ANKFN1: variants seen among roughly 807,000 people sequenced by gnomAD.
The protein encoded by ANKFN1 is ankyrin repeat and fibronectin type-III domain-containing protein 1.
A neutral mutation model predicts 108.7 loss-of-function variants in ANKFN1; 74 were observed. That is an observed-to-expected ratio of 0.68 (90% CI 0.56 to 0.83). ANKFN1 has a LOEUF of 0.83. ANKFN1 is among the 40% of genes least tolerant of loss of function. The probability of loss-of-function intolerance (pLI) is 0.00; values close to 1 mark genes in which losing one functional copy is unlikely to be tolerated. For synonymous variants in ANKFN1, 547 were observed against 516.2 expected (o/e 1.06, Z -0.81); for missense variants, 1,505 against 1,382.3 (o/e 1.09, Z -1.41).
intron 4 of ANKFN1, among the ~76,000 whole-genome samples, chr17:56,139,825 T>C (rs1907813584): frequency 6.6e-6 from 1 of 152,194 alleles, no homozygotes; most frequent in East Asian, 1.9e-4. Context: ...TCATCGTCCC[T>C]TGGTTTCCAC....
At chr17:56,074,896 G>C (rs950892462) in intron 4 of ANKFN1, among the ~76,000 whole-genome samples, 1 of 152,174 alleles carries the variant, frequency 6.6e-6, no homozygotes, top group Non-Finnish European at 1.5e-5. Flanking sequence ...AGCCACAAAG[G>C]CTGTTTGTAA....
chr17:56,317,271 T>G (rs1466019238), intron 3 of ANKFN1, among the ~76,000 whole-genome samples: 1 of 152,200 alleles, frequency 6.6e-6, no homozygotes, highest in Non-Finnish European at 1.5e-5. Context: ...CAGAAGAACC[T>G]TCAAGAACAT....
chr17:56,278,710 A>G (rs16957042), intron 3 of ANKFN1, among the ~76,000 whole-genome samples: 13,322 of 152,290 alleles, frequency 0.087, 1,578 homozygotes, highest in African/African-American at 0.27. Context: ...TTCTGAGAGT[A>G]GATGACCAAG....
intron 4 of ANKFN1, among the ~76,000 whole-genome samples, chr17:56,124,539 T>G (rs909099660): frequency 7.9e-5 from 12 of 152,206 alleles, no homozygotes; most frequent in Non-Finnish European, 1.5e-4. Context: ...GGATTTAGTG[T>G]ATGCTGGGAC....
At chr17:56,196,502 G>A (rs561101655) in intron 1 of ANKFN1, among the ~76,000 whole-genome samples, 11 of 152,096 alleles carry the variant, frequency 7.2e-5, no homozygotes, top group Non-Finnish European at 1.5e-4. Context: ...GGGACACCAA[G>A]GCAGGAAGAT....
At chr17:56,200,310 C>T (rs1221745655) in intron 1 of ANKFN1, among the ~76,000 whole-genome samples, 2 of 152,110 alleles carry the variant, frequency 1.3e-5, no homozygotes, top group African/African-American at 4.8e-5. Flanking sequence ...TAGAAAGAAC[C>T]ATGAGCACTG....
chr17:56,419,756 T>C (rs1376716490), intron 8 of ANKFN1, among the ~76,000 whole-genome samples: 2 of 147,830 alleles, frequency 1.4e-5, no homozygotes, highest in African/African-American at 5.0e-5. Flanking sequence ...CCAGGAGTTA[T>C]AGGTTACAAT....
intron 1 of ANKFN1, among the ~76,000 whole-genome samples, chr17:56,158,700 A>G (rs571817671): frequency 6.6e-6 from 1 of 152,334 alleles, no homozygotes; most frequent in South Asian, 2.1e-4. Context: ...TATGCTGAAA[A>G]TAAATGATTT....
rs193195072 is a variant in ANKFN1 at position 56,054,105 on chromosome 17, C to T, written c.288+7780C>T. ...GCTTGGATGTGGGGAAAAGGGAATG[C>T]TTTTACGCTGTTGGTGGGAATGTAA... On this transcript the variant is annotated intron_variant, in intron 4 of 12. Coordinates refer to the ANKFN1 transcript ENST00000635860. Among the ~76,000 whole-genome samples the T allele has an allele frequency of 6.5e-4, 99 of 152,244 alleles. 1 individual carries two copies. The highest frequency in any genetic ancestry group is 1.4e-3 in the Non-Finnish European group (92 of 68,020).
At chr17:56,048,030 CT>C (rs1380553080) in intron 4 of ANKFN1, among the ~76,000 whole-genome samples, 6 of 152,328 alleles carry the variant, frequency 3.9e-5, no homozygotes, top group African/African-American at 1.4e-4. Context: ...ATCTCCCAAT[CT>C]TTGTCCATGT....
At chr17:56,330,383 C>T (rs1296869615) in intron 4 of ANKFN1, among the ~76,000 whole-genome samples, 1 of 152,116 alleles carries the variant, frequency 6.6e-6, no homozygotes, top group Admixed American at 6.6e-5. Context: ...GGGGAAACCG[C>T]CCCCACGATT....
chr17:56,219,435 T>C (rs1915685571), intron 2 of ANKFN1, among the ~76,000 whole-genome samples: 1 of 152,028 alleles, frequency 6.6e-6, no homozygotes, highest in Non-Finnish European at 1.5e-5. Flanking sequence ...TTAGTAGAGA[T>C]GGGATTTTAC....
intron 8 of ANKFN1, among the ~76,000 whole-genome samples, chr17:56,399,396 A>G (rs1043197505): frequency 6.6e-6 from 1 of 152,130 alleles, no homozygotes; most frequent in Admixed American, 6.6e-5. Flanking sequence ...CAAAGTAAAT[A>G]AGACAAATAT....
chr17:56,123,456 C>G (rs1367018423), intron 4 of ANKFN1, among the ~76,000 whole-genome samples: 1 of 152,178 alleles, frequency 6.6e-6, no homozygotes. Flanking sequence ...GGAGAGTGCT[C>G]TGTGACCTGT....
chr17:56,458,102 A>G (rs1598643993), intron 14 of ANKFN1, 123 bp downstream of exon 14: 3 of 786,322 alleles, frequency 3.8e-6, no homozygotes, highest in Non-Finnish European at 4.0e-6. Flanking sequence ...CCCTAAGAAT[A>G]TGAAGTTTTC....
chr17:56,061,265 C>CTTTTTTTTTTT lies in ANKFN1; in HGVS notation c.288+14953_288+14963dup, dbSNP rs71137190. Among the ~76,000 whole-genome samples the CTTTTTTTTTTT allele has an allele frequency of 2.1e-4, 15 of 72,930 alleles. 1 individual carries two copies. The highest frequency in any genetic ancestry group is 4.6e-4 in the Admixed American group (2 of 4,390). The allele number at this position is 72,930 out of a possible 152,430, so 47.8% of individuals were successfully genotyped here. On this transcript the variant is annotated intron_variant, in intron 4 of 12. Transcript: ENST00000635860. ...TCTGATTTCTCTGATGGTAGTTTTT[C>CTTTTTTTTTTT]TTTTTTTTTTTTTTTTTTTTTTTGA...
intron 4 of ANKFN1, among the ~76,000 whole-genome samples, chr17:56,083,106 GA>G (rs1905267692): frequency 6.6e-6 from 1 of 151,416 alleles, no homozygotes; most frequent in South Asian, 2.1e-4. Flanking sequence ...TGACAGTCGA[GA>G]ACTGAAATCA....
At chr17:56,134,881 T>C (rs1418145668) in intron 4 of ANKFN1, among the ~76,000 whole-genome samples, 1 of 152,206 alleles carries the variant, frequency 6.6e-6, no homozygotes, top group East Asian at 1.9e-4. Context: ...TAGATGTTGG[T>C]TTTATTATTT....
At chr17:56,217,904 A>G (rs566522992) in intron 2 of ANKFN1, among the ~76,000 whole-genome samples, 7 of 152,300 alleles carry the variant, frequency 4.6e-5, no homozygotes, top group Admixed American at 2.6e-4. Flanking sequence ...ATTATCTCTA[A>G]TAGATTTACT....
Sources: allele counts gnomAD v4.1 joint callset (sites outside exome capture counted in the v4.1 genomes callset), GRCh38; gene constraint gnomAD v4.1.1; transcripts MANE v1.5; gene names NCBI Gene and HGNC (gene_info 2026-07-23, HGNC 2026-07-21).